CDK14: variants seen among roughly 807,000 people sequenced by gnomAD.
The protein encoded by CDK14 is cyclin-dependent kinase 14.
In CDK14, 34 loss-of-function variants were observed where a neutral mutation model predicts 60.7. The ratio of observed to expected loss-of-function variants is 0.56; its 90% CI spans 0.43 to 0.75. CDK14 has a LOEUF of 0.75. CDK14 is among the 30% of genes least tolerant of loss of function. The probability of loss-of-function intolerance (pLI) is 0.00; values close to 1 mark genes in which losing one functional copy is unlikely to be tolerated. For synonymous variants in CDK14, 197 were observed against 203.7 expected, an observed-to-expected ratio of 0.97 and a Z score of 0.28; for missense variants, 482 against 564.1, an observed-to-expected ratio of 0.85 and a Z score of 1.47.
At chr7:90,776,614 C>G (rs1339968419) in intron 4 of CDK14, among the ~76,000 whole-genome samples, 2 of 152,176 alleles carry the variant, frequency 1.3e-5, no homozygotes, top group Non-Finnish European at 2.9e-5. Flanking sequence ...CTCCTGATAT[C>G]ATTGTTTCCA....
intron 11 of CDK14, among the ~76,000 whole-genome samples, chr7:91,065,605 C>G (rs1310126500): frequency 6.6e-6 from 1 of 152,176 alleles, no homozygotes; most frequent in African/African-American, 2.4e-5. Flanking sequence ...GAAGTGTTCA[C>G]TGATGGCTTG....
At chr7:91,129,464 C>T (rs957935406) in intron 14 of CDK14, among the ~76,000 whole-genome samples, 5 of 152,086 alleles carry the variant, frequency 3.3e-5, no homozygotes, top group African/African-American at 4.8e-5. Context: ...GGGAAGTTTG[C>T]CTAAGTCATT....
chr7:91,172,265 A>G (rs1214138215), intron 14 of CDK14, among the ~76,000 whole-genome samples: 2 of 152,218 alleles, frequency 1.3e-5, no homozygotes, highest in African/African-American at 4.8e-5. Flanking sequence ...TGCCCAAGCT[A>G]GAAAGCTCAG....
chr7:90,969,418 A>G (rs1344063004), intron 9 of CDK14, among the ~76,000 whole-genome samples: 1 of 152,228 alleles, frequency 6.6e-6, no homozygotes, highest in African/African-American at 2.4e-5. Context: ...ACGATATGCC[A>G]CATGAAGTTT....
Position 91,198,454 on chromosome 7 carries a change from A to G in CDK14, c.*29-8711A>G, listed in dbSNP as rs146331947. Reference sequence around the variant, plus strand: ...GATCCAGGAAGATTGTACAATAAACAGTTAATTCCAAGACAGAACATGTAA... The same window carrying G: ...GATCCAGGAAGATTGTACAATAAACGGTTAATTCCAAGACAGAACATGTAA... On this transcript the variant is annotated intron_variant, in intron 14 of 14. Coordinates refer to ENST00000380050, the MANE Select transcript of CDK14 (RefSeq NM_001287135.2). 4.6e-3 allele frequency among the ~76,000 whole-genome samples: 702 copies of G among 152,370 alleles called. 12 individuals are homozygous for G. The highest frequency in any genetic ancestry group is 0.016 in the African/African-American group (668 of 41,592).
chr7:90,875,738 A>C (rs1442668155), intron 6 of CDK14, among the ~76,000 whole-genome samples: 1 of 151,740 alleles, frequency 6.6e-6, no homozygotes, highest in Non-Finnish European at 1.5e-5. Flanking sequence ...TTGTTCTCCT[A>C]ATTTTCTTGT....
intron 2 of CDK14, among the ~76,000 whole-genome samples, chr7:90,625,652 A>G (rs1270832341): frequency 6.6e-6 from 1 of 152,178 alleles, no homozygotes; most frequent in Non-Finnish European, 1.5e-5. Context: ...CCTTTCTAAG[A>G]GAGAAGGCTT....
At chr7:91,002,243 A>G (rs1200219087) in intron 10 of CDK14, among the ~76,000 whole-genome samples, 2 of 152,226 alleles carry the variant, frequency 1.3e-5, no homozygotes, top group Admixed American at 6.5e-5. Context: ...CAGGACTCCA[A>G]GGAACATACT....
chr7:90,691,768 T>C (rs933298937), intron 2 of CDK14, among the ~76,000 whole-genome samples: 3 of 152,194 alleles, frequency 2.0e-5, no homozygotes, highest in African/African-American at 7.2e-5. Context: ...CTACGGTGGC[T>C]GCACTGGAGA....
At chr7:91,045,835 T>G in intron 10 of CDK14, 62 bp from the exon 11 acceptor site, 73 of 1,076,784 alleles carry the variant, frequency 6.8e-5, no homozygotes, top group Non-Finnish European at 9.8e-5. Context: ...TTTCTACACT[T>G]GAGAATTTTG....
intron 5 of CDK14, among the ~76,000 whole-genome samples, chr7:90,800,197 T>G (rs769595878): frequency 6.6e-6 from 1 of 152,164 alleles, no homozygotes; most frequent in Non-Finnish European, 1.5e-5. Flanking sequence ...TCTATTAGAA[T>G]TCTATGGAAA....
intron 8 of CDK14, among the ~76,000 whole-genome samples, chr7:90,928,663 G>A (rs1004812073): frequency 1.3e-5 from 2 of 152,192 alleles, no homozygotes; most frequent in African/African-American, 4.8e-5. Context: ...TAGGCTACTC[G>A]GGGGTCAGGG....
intron 1 of CDK14, among the ~76,000 whole-genome samples, chr7:90,600,710 T>A (rs1799298234): frequency 6.6e-6 from 1 of 152,216 alleles, no homozygotes; most frequent in Non-Finnish European, 1.5e-5. Flanking sequence ...TACCACATTT[T>A]CCCCAATGCA....
At chr7:90,790,430 ACCTT>A (rs1805783878) in intron 4 of CDK14, 139 bp from the exon 5 acceptor site, 3 of 519,148 alleles carry the variant, frequency 5.8e-6, no homozygotes, top group Non-Finnish European at 1.0e-5. Context: ...CCCAGCCGAA[ACCTT>A]GCTTTGGTGG....
intron 6 of CDK14, among the ~76,000 whole-genome samples, chr7:90,868,526 T>C (rs1791262487): frequency 1.3e-5 from 2 of 151,988 alleles, no homozygotes. Flanking sequence ...AATCATGATA[T>C]TGTTAGGGAT....
intron 2 of CDK14, among the ~76,000 whole-genome samples, chr7:90,604,647 C>T (rs550922482): frequency 3.3e-5 from 5 of 152,210 alleles, no homozygotes; most frequent in African/African-American, 4.8e-5. Flanking sequence ...GATGTGTTGT[C>T]GATGCCACAT....
chr7:90,840,030 G>T (rs1790239263), intron 5 of CDK14, among the ~76,000 whole-genome samples: 2 of 152,150 alleles, frequency 1.3e-5, no homozygotes, highest in South Asian at 4.1e-4. Flanking sequence ...TAAACTTTGG[G>T]ATGATGGGAT....
chr7:91,067,189 T>A (rs538140778), intron 11 of CDK14, among the ~76,000 whole-genome samples: 56 of 152,368 alleles, frequency 3.7e-4, no homozygotes, highest in Middle Eastern at 3.4e-3. Context: ...ACCTTTTTGT[T>A]TTCAAAACTT....
intron 6 of CDK14, among the ~76,000 whole-genome samples, chr7:90,882,511 C>A (rs1329759262): frequency 4.6e-5 from 7 of 152,024 alleles, no homozygotes; most frequent in Admixed American, 1.3e-4. Flanking sequence ...ACTTTAACAC[C>A]CATTGTCAAT....
Sources: allele counts gnomAD v4.1 joint callset (sites outside exome capture counted in the v4.1 genomes callset), GRCh38; gene constraint gnomAD v4.1.1; transcripts MANE v1.5; gene names NCBI Gene and HGNC (gene_info 2026-07-23, HGNC 2026-07-21).